RABGAP1L: variants seen among roughly 807,000 people sequenced by gnomAD.
RABGAP1L encodes the protein RAB GTPase activating protein 1 like, also known as rab GTPase-activating protein 1-like.
In RABGAP1L, 63 loss-of-function variants were observed where a neutral mutation model predicts 137.7. The observed-to-expected ratio is 0.46, with a 90% CI of 0.37 to 0.56. The LOEUF (loss-of-function observed/expected upper bound fraction) is 0.56. RABGAP1L is among the 20% of genes least tolerant of loss of function. The pLI is 0.00. For synonymous variants in RABGAP1L, 431 were observed against 433.7 expected (o/e 0.99, Z 0.08); for missense variants, 1,095 against 1,244.0 (o/e 0.88, Z 1.80).
chr1:174,658,352 G>A lies in RABGAP1L; in HGVS notation c.1824+20864G>A, dbSNP rs921228373. 3.3e-5 allele frequency among the ~76,000 whole-genome samples: 5 copies of A among 152,068 alleles called. No homozygotes were observed. In the East Asian group the frequency reaches 9.7e-4, roughly 29 times the overall value. On this transcript the variant is annotated intron_variant, in intron 14 of 25. Transcript: ENST00000681986. ...TTTTTTTCTATATATAACCATTTGT[G>A]TTGAAAACTAGGGATTCATAGCAGT... is the stretch of plus-strand genomic sequence containing the variant.
intron 19 of RABGAP1L, among the ~76,000 whole-genome samples, chr1:174,866,059 A>G (rs933831297): frequency 2.1e-5 from 3 of 145,960 alleles, no homozygotes; most frequent in Non-Finnish European, 3.0e-5. Flanking sequence ...TTTTTAAGAG[A>G]TATGTATCTT....
chr1:174,662,403 C>G (rs1676456737), intron 14 of RABGAP1L, among the ~76,000 whole-genome samples: 1 of 150,114 alleles, frequency 6.7e-6, no homozygotes. Context: ...CGCGCCTGGC[C>G]TGGTTGTTTG....
intron 10 of RABGAP1L, among the ~76,000 whole-genome samples, chr1:174,279,749 T>G (rs971234300): frequency 6.6e-6 from 1 of 152,192 alleles, no homozygotes; most frequent in Non-Finnish European, 1.5e-5. Context: ...GTGAGCAATA[T>G]TCAAACTTCA....
chr1:174,213,406 C>CA (rs946554853), intron 1 of RABGAP1L, among the ~76,000 whole-genome samples: 81 of 152,284 alleles, frequency 5.3e-4, no homozygotes, highest in African/African-American at 1.9e-3. Context: ...GCCTGAGCGA[C>CA]AGAGTGAGAC....
chr1:174,868,021 A>C (rs1651578149), intron 19 of RABGAP1L, among the ~76,000 whole-genome samples: 1 of 151,826 alleles, frequency 6.6e-6, no homozygotes, highest in Non-Finnish European at 1.5e-5. Flanking sequence ...GGTGGAGTGC[A>C]GTGGCACGAT....
intron 10 of RABGAP1L, among the ~76,000 whole-genome samples, chr1:174,279,905 A>G (rs1675345134): frequency 6.6e-6 from 1 of 152,118 alleles, no homozygotes; most frequent in South Asian, 2.1e-4. Flanking sequence ...TAGTTGCATA[A>G]TCGTGAATAA....
At chr1:174,575,235 T>C (rs1192905023) in intron 13 of RABGAP1L, among the ~76,000 whole-genome samples, 1 of 152,198 alleles carries the variant, frequency 6.6e-6, no homozygotes, top group African/African-American at 2.4e-5. Flanking sequence ...TGGCCTCTTT[T>C]AAAAGTTTTT....
At chr1:174,878,634 A>C (rs1653560875) in intron 19 of RABGAP1L, among the ~76,000 whole-genome samples, 1 of 152,168 alleles carries the variant, frequency 6.6e-6, no homozygotes, top group Non-Finnish European at 1.5e-5. Context: ...AACCTAACTA[A>C]TATGAAGACC....
intron 17 of RABGAP1L, among the ~76,000 whole-genome samples, chr1:174,737,000 C>T (rs1053330967): frequency 6.6e-6 from 1 of 152,158 alleles, no homozygotes; most frequent in African/African-American, 2.4e-5. Flanking sequence ...CTCTGAAATA[C>T]CTTCAAGGCC....
intron 14 of RABGAP1L, among the ~76,000 whole-genome samples, chr1:174,654,563 C>A (rs551747650): frequency 9.9e-5 from 15 of 152,130 alleles, no homozygotes; most frequent in Admixed American, 9.2e-4. Context: ...AGAATGTAAA[C>A]TAAACACTCT....
chr1:174,982,861 G>A lies in RABGAP1L; in HGVS notation c.2761G>A (p.Glu921Lys), dbSNP rs1458211153. The change falls in exon 24 of 26, where the codon GAG becomes AAG. Residue 921 changes from glutamate to lysine, a missense_variant. By Grantham distance (56) the Glu-to-Lys change is moderately conservative. Transcript: ENST00000681986. Reference protein sequence around the residue: ...QICSQLSTRLEKQQAASKEEL... With the variant: ...QICSQLSTRLKKQQAASKEEL... ...CTGTTCGCAGTTGAGTACCAGGCTG[G>A]AGAAACAGCAAGCAGCCAGCAAGGA... is the stretch of plus-strand genomic sequence containing the variant. 2 of 1,550,480 alleles carry A rather than the reference G, an allele frequency of 1.3e-6. No individual in the cohort carries two copies. Among genetic ancestry groups the A allele is most frequent in the Admixed American group, 2.0e-5 (1 of 51,000 alleles).
intron 13 of RABGAP1L, among the ~76,000 whole-genome samples, chr1:174,588,250 G>A (rs933454560): frequency 6.6e-6 from 1 of 151,744 alleles, no homozygotes; most frequent in Non-Finnish European, 1.5e-5. Flanking sequence ...TGCAGCCTCC[G>A]CCTCTGGGGT....
intron 18 of RABGAP1L, among the ~76,000 whole-genome samples, chr1:174,791,335 A>G (rs1687846810): frequency 6.6e-6 from 1 of 152,228 alleles, no homozygotes; most frequent in Non-Finnish European, 1.5e-5. Flanking sequence ...TGTTAAACAT[A>G]TACCTAACAT....
intron 14 of RABGAP1L, among the ~76,000 whole-genome samples, chr1:174,640,197 G>A (rs1342453028): frequency 6.6e-6 from 1 of 152,058 alleles, no homozygotes; most frequent in Non-Finnish European, 1.5e-5. Flanking sequence ...AGACCGCTTG[G>A]TTTGTGATTG....
intron 19 of RABGAP1L, among the ~76,000 whole-genome samples, chr1:174,947,982 G>A (rs1667141362): frequency 6.6e-6 from 1 of 152,108 alleles, no homozygotes; most frequent in African/African-American, 2.4e-5. Context: ...AGGAAGTGGT[G>A]GTTGTGTTCT....
intron 1 of RABGAP1L, among the ~76,000 whole-genome samples, chr1:174,200,079 G>A (rs1209275308): frequency 1.3e-5 from 2 of 152,194 alleles, no homozygotes; most frequent in Admixed American, 6.5e-5. Context: ...TAAGAGGGAA[G>A]TAAAAATCAA....
At chr1:174,618,593 A>G (rs558744505) in intron 13 of RABGAP1L, among the ~76,000 whole-genome samples, 80 of 152,346 alleles carry the variant, frequency 5.3e-4, no homozygotes, top group Admixed American at 1.4e-3. Flanking sequence ...TGACTGTTAG[A>G]AGAAAAACTA....
intron 17 of RABGAP1L, among the ~76,000 whole-genome samples, chr1:174,732,377 T>A (rs1408414501): frequency 2.6e-5 from 4 of 152,248 alleles, no homozygotes. Flanking sequence ...GGCTTAAAGT[T>A]AATACTCTAA....
chr1:174,812,733 G>A (rs1035256280), intron 19 of RABGAP1L, among the ~76,000 whole-genome samples: 4 of 151,938 alleles, frequency 2.6e-5, no homozygotes, highest in South Asian at 2.1e-4. Flanking sequence ...AAATAGCTGT[G>A]AAAAAAAAGA....
Sources: gnomAD v4.1 joint callset for allele counts (sites outside exome capture counted in the v4.1 genomes callset) on GRCh38, gnomAD v4.1.1 for gene constraint, MANE v1.5 for transcripts, NCBI Gene and HGNC (gene_info 2026-07-23, HGNC 2026-07-21) for gene names.